EPHA6: variants seen among roughly 807,000 people sequenced by gnomAD.
EPHA6 encodes ephrin type-A receptor 6.
EPHA6 carries 50 observed loss-of-function variants against 112.0 expected under a neutral mutation model. The ratio of observed to expected loss-of-function variants is 0.45; its 90% CI spans 0.36 to 0.56. The LOEUF (loss-of-function observed/expected upper bound fraction) is 0.56, where lower values mean the gene tolerates loss of function less well. EPHA6 is among the 20% of genes least tolerant of loss of function. The probability of loss-of-function intolerance (pLI) is 0.00; values close to 1 mark genes in which losing one functional copy is unlikely to be tolerated. For synonymous variants in EPHA6, 529 were observed against 490.7 expected, an observed-to-expected ratio of 1.08 and a Z score of -1.03; for missense variants, 1,280 against 1,417.4, an observed-to-expected ratio of 0.90 and a Z score of 1.56.
In EPHA6 at chr3:97,748,957, A is replaced by C. The variant is rs2035824816; in HGVS notation, c.*256A>C. On this transcript the variant is annotated 3_prime_UTR_variant, in exon 18 of 18. Coordinates refer to ENST00000389672, the MANE Select transcript of EPHA6 (RefSeq NM_001080448.3). Reference sequence around the variant, plus strand: ...GCTACGCAATGGTAAATAACTCAGCATGGATGTGTAATTTTGTATAAGCCG... The same window carrying C: ...GCTACGCAATGGTAAATAACTCAGCCTGGATGTGTAATTTTGTATAAGCCG... The C allele has an allele frequency of 6.7e-6, 3 of 448,002 alleles. No individual in the cohort carries two copies. In the Admixed American group the frequency reaches 1.0e-4, roughly 15 times the overall value. The allele number at this position is 448,002 out of a possible 1,614,324, so 27.8% of individuals were successfully genotyped here.
At chr3:97,000,287 A>ATAGC (rs1553685583) in intron 3 of EPHA6, among the ~76,000 whole-genome samples, 1 of 147,100 alleles carries the variant, frequency 6.8e-6, no homozygotes, top group African/African-American at 2.6e-5. Context: ...ACACACACAC[A>ATAGC]CACACATATA....
intron 1 of EPHA6, among the ~76,000 whole-genome samples, chr3:96,840,445 G>GGAC (rs2034672768): frequency 6.6e-6 from 1 of 152,116 alleles, no homozygotes; most frequent in African/African-American, 2.4e-5. Flanking sequence ...CAGCAAGTCT[G>GGAC]TCAGTAGTCC....
chr3:97,005,190 T>C (rs139979837), intron 3 of EPHA6, among the ~76,000 whole-genome samples: 1,910 of 152,336 alleles, frequency 0.013, 24 homozygotes, highest in Admixed American at 0.024. Flanking sequence ...GCATTGAATC[T>C]ATAAATTACT....
chr3:97,121,805 G>A (rs528492689), intron 3 of EPHA6, among the ~76,000 whole-genome samples: 9 of 152,152 alleles, frequency 5.9e-5, no homozygotes, highest in South Asian at 4.1e-4. Context: ...TTTTCCTAAA[G>A]CAAAGTGATC....
intron 5 of EPHA6, among the ~76,000 whole-genome samples, chr3:97,364,470 T>A (rs1022422980): frequency 6.6e-6 from 1 of 151,916 alleles, no homozygotes; most frequent in Admixed American, 6.6e-5. Flanking sequence ...AGACAAGTAT[T>A]CTTTATGTAA....
chr3:96,996,807 C>T (rs775676678), intron 3 of EPHA6, among the ~76,000 whole-genome samples: 8 of 152,098 alleles, frequency 5.3e-5, no homozygotes. Flanking sequence ...TGTAAATGGG[C>T]ATTGACTTCC....
At chr3:96,994,721 A>ATG (rs2043341351) in intron 3 of EPHA6, among the ~76,000 whole-genome samples, 4 of 106,564 alleles carry the variant, frequency 3.8e-5, no homozygotes, top group Non-Finnish European at 7.1e-5. Flanking sequence ...ATATATATAT[A>ATG]TATATATATA....
intron 5 of EPHA6, among the ~76,000 whole-genome samples, chr3:97,264,317 G>A (rs889473480): frequency 1.7e-4 from 26 of 152,240 alleles, no homozygotes; most frequent in Middle Eastern, 3.2e-3. Flanking sequence ...TGAGCATGGG[G>A]TCCGGCCATT....
intron 15 of EPHA6, among the ~76,000 whole-genome samples, chr3:97,724,366 C>G (rs577031205): frequency 6.6e-6 from 1 of 152,102 alleles, no homozygotes; most frequent in Non-Finnish European, 1.5e-5. Flanking sequence ...CCATAAAAGA[C>G]CTAACAAAAT....
rs78144467 is a variant in EPHA6, at chr3:97,062,287, A to G, written c.1114+74294A>G. Among the ~76,000 whole-genome samples, 566 of 152,296 alleles carry G rather than the reference A, an allele frequency of 3.7e-3. 25 individuals are homozygous for G. In the East Asian group the frequency reaches 0.099, roughly 27 times the overall value. ...AAATGTTTATATAAAAATTAATTATAACAGGACTTGAGTAAGAAGAGATTG... is the reference window on the plus strand; with the variant it reads ...AAATGTTTATATAAAAATTAATTATGACAGGACTTGAGTAAGAAGAGATTG... On this transcript the variant is annotated intron_variant, in intron 3 of 17. Transcript: ENST00000389672.
chr3:97,198,803 A>G (rs144921676), intron 3 of EPHA6, among the ~76,000 whole-genome samples: 15 of 152,300 alleles, frequency 9.8e-5, no homozygotes, highest in African/African-American at 3.6e-4. Flanking sequence ...GTGTCTGAAC[A>G]TGCTTTATGT....
At chr3:96,953,139 A>T (rs1460016231) in intron 2 of EPHA6, among the ~76,000 whole-genome samples, 4 of 152,204 alleles carry the variant, frequency 2.6e-5, no homozygotes, top group Non-Finnish European at 5.9e-5. Flanking sequence ...ATGCTAAGTT[A>T]GGTTTTCCAT....
At chr3:97,501,050 T>C (rs2092104767) in intron 10 of EPHA6, among the ~76,000 whole-genome samples, 1 of 152,186 alleles carries the variant, frequency 6.6e-6, no homozygotes, top group African/African-American at 2.4e-5. Flanking sequence ...TTCTGGACTT[T>C]AGTTTCCTGT....
chr3:96,976,753 T>G (rs2042541160), intron 2 of EPHA6, among the ~76,000 whole-genome samples: 1 of 152,146 alleles, frequency 6.6e-6, no homozygotes, highest in Non-Finnish European at 1.5e-5. Flanking sequence ...GATAAGAAGA[T>G]ATGCCACTTA....
At chr3:97,733,129 G>A (rs1025748670) in intron 15 of EPHA6, among the ~76,000 whole-genome samples, 5 of 152,010 alleles carry the variant, frequency 3.3e-5, no homozygotes, top group African/African-American at 1.2e-4. Context: ...AGAGGCATAA[G>A]CAACCTGCTT....
chr3:97,724,942 C>G (rs905470890), intron 15 of EPHA6, among the ~76,000 whole-genome samples: 2 of 151,866 alleles, frequency 1.3e-5, no homozygotes, highest in African/African-American at 4.8e-5. Context: ...TGTGTGAAAA[C>G]ACAGTTATTG....
intron 11 of EPHA6, among the ~76,000 whole-genome samples, chr3:97,547,205 T>C (rs1299002097): frequency 6.6e-6 from 1 of 152,182 alleles, no homozygotes; most frequent in Non-Finnish European, 1.5e-5. Context: ...TTTATCTACC[T>C]TTGGTCTTTG....
intron 5 of EPHA6, among the ~76,000 whole-genome samples, chr3:97,283,955 C>T (rs2080377408): frequency 6.6e-6 from 1 of 152,000 alleles, no homozygotes; most frequent in South Asian, 2.1e-4. Flanking sequence ...ATATCTTTAC[C>T]TAGAAATATA....
chr3:97,196,264 G>A (rs1195399533), intron 3 of EPHA6, among the ~76,000 whole-genome samples: 1 of 151,498 alleles, frequency 6.6e-6, no homozygotes, highest in African/African-American at 2.4e-5. Context: ...CTGGTGTTGA[G>A]AGACTCATAC....
Sources: allele counts gnomAD v4.1 joint callset (sites outside exome capture counted in the v4.1 genomes callset), GRCh38; gene constraint gnomAD v4.1.1; transcripts MANE v1.5; gene names NCBI Gene and HGNC (gene_info 2026-07-23, HGNC 2026-07-21).